The following CORO2A variants were observed in gnomAD, a reference collection of about 807,000 sequenced individuals.
CORO2A encodes coronin-2A.
In CORO2A, 47 loss-of-function variants were observed where a neutral mutation model predicts 62.4. That is an observed-to-expected ratio of 0.75 (90% CI 0.60 to 0.96). CORO2A has a LOEUF of 0.96. CORO2A is among the 40% of genes least tolerant of loss of function. The pLI is 0.00. For missense variants in CORO2A, 610 were observed against 684.1 expected (o/e 0.89, Z 1.21); for synonymous variants, 273 against 268.9 (o/e 1.02, Z -0.15).
chr9:98,155,083 A>C (rs986117224), intron 2 of CORO2A, among the ~76,000 whole-genome samples: 5 of 152,262 alleles, frequency 3.3e-5, no homozygotes, highest in East Asian at 3.9e-4. Context: ...GCTGTCATTT[A>C]CTAGTGTTAG....
intron 1 of CORO2A, among the ~76,000 whole-genome samples, 176 bp downstream of exon 1, chr9:98,192,383 G>A (rs902821931): frequency 6.6e-6 from 1 of 152,240 alleles, no homozygotes; most frequent in African/African-American, 2.4e-5. Context: ...ACTGAGGCCT[G>A]GAGAGGAGCA....
At chr9:98,163,160 T>A (rs79490560) in intron 1 of CORO2A, among the ~76,000 whole-genome samples, 1 of 152,230 alleles carries the variant, frequency 6.6e-6, no homozygotes, top group Non-Finnish European at 1.5e-5. Context: ...GATGTAGTCA[T>A]CTCTGGGTTT....
chr9:98,171,400 CCAA>C (rs752180652), intron 1 of CORO2A, among the ~76,000 whole-genome samples: 1 of 152,270 alleles, frequency 6.6e-6, no homozygotes, highest in Non-Finnish European at 1.5e-5. Flanking sequence ...GTCAGTTCAG[CCAA>C]CATCATTGGT....
intron 1 of CORO2A, among the ~76,000 whole-genome samples, chr9:98,184,807 G>A (rs973284650): frequency 6.6e-6 from 1 of 152,140 alleles, no homozygotes; most frequent in Admixed American, 6.5e-5. Context: ...TTTGATTGTA[G>A]CCCTTTCAAA....
intron 2 of CORO2A, among the ~76,000 whole-genome samples, chr9:98,155,814 G>A (rs140409615): frequency 6.6e-6 from 1 of 151,996 alleles, no homozygotes; most frequent in Non-Finnish European, 1.5e-5. Context: ...GTTCTTATTA[G>A]ATTTCAAAGC....
chr9:98,192,047 C>A (rs1206923115), intron 1 of CORO2A, among the ~76,000 whole-genome samples: 1 of 152,230 alleles, frequency 6.6e-6, no homozygotes, highest in African/African-American at 2.4e-5. Context: ...CCCACATGCA[C>A]GCCCAGGCCG....
At chr9:98,134,760 T>C in intron 4 of CORO2A, 46 bp downstream of exon 4, 1 of 1,546,012 alleles carries the variant, frequency 6.5e-7, no homozygotes, top group East Asian at 2.3e-5. Context: ...TTCCAGTTTG[T>C]GGGAACTTGT....
At position 98,157,485 on chromosome 9, in the gene CORO2A, G is replaced by A; in HGVS notation, c.176C>T (p.Ala59Val). The stretch of plus-strand genomic sequence containing the variant: ...CTGGTGCAGGGGGATGACGAGGAAG[G>A]CCCCTCCACCAGCACACTCAGTCAC... ...AVVTECAGGG[A>V]FLVIPLHQTG... is the part of the protein sequence containing the mutation. Residue 59 changes from alanine to valine, a missense_variant, in exon 2 of 12, where the codon GCC becomes GTC. Coordinates refer to ENST00000375077, the MANE Select transcript of CORO2A (RefSeq NM_052820.4). 6.2e-7 allele frequency: 1 copy of A among 1,614,182 alleles called. No individual in the cohort carries two copies. The highest frequency in any genetic ancestry group is 8.5e-7 in the Non-Finnish European group (1 of 1,180,034).
intron 2 of CORO2A, among the ~76,000 whole-genome samples, chr9:98,141,749 C>T (rs1379230390): frequency 6.6e-6 from 1 of 152,172 alleles, no homozygotes; most frequent in East Asian, 1.9e-4. Context: ...TGCACCTGCT[C>T]ACATTTTGCA....
chr9:98,178,983 C>T (rs1253454808), intron 1 of CORO2A, among the ~76,000 whole-genome samples: 1 of 152,176 alleles, frequency 6.6e-6, no homozygotes, highest in Non-Finnish European at 1.5e-5. Flanking sequence ...AATCTCTAGG[C>T]CTTGATGCTA....
chr9:98,156,560 G>A (rs1441067698), intron 2 of CORO2A, among the ~76,000 whole-genome samples: 1 of 152,124 alleles, frequency 6.6e-6, no homozygotes, highest in African/African-American at 2.4e-5. Context: ...GTTTCCAAAT[G>A]AATGGGAATT....
intron 1 of CORO2A, among the ~76,000 whole-genome samples, 190 bp downstream of exon 1, chr9:98,192,369 G>C (rs1271998212): frequency 6.6e-6 from 1 of 152,228 alleles, no homozygotes; most frequent in East Asian, 1.9e-4. Flanking sequence ...ATCCTGACGG[G>C]GAAACTGAGG....
At chr9:98,168,802 T>C (rs551377196) in intron 1 of CORO2A, among the ~76,000 whole-genome samples, 1 of 152,350 alleles carries the variant, frequency 6.6e-6, no homozygotes, top group African/African-American at 2.4e-5. Context: ...TGAAGCAGCC[T>C]CCCAGGGGCC....
At chr9:98,140,506 T>C (rs1827551171) in intron 2 of CORO2A, among the ~76,000 whole-genome samples, 2 of 151,718 alleles carry the variant, frequency 1.3e-5, no homozygotes, top group African/African-American at 4.8e-5. Flanking sequence ...AGTGGTGCAA[T>C]CATGATTCAC....
intron 2 of CORO2A, among the ~76,000 whole-genome samples, chr9:98,139,911 G>A (rs551910704): frequency 6.6e-6 from 1 of 152,136 alleles, no homozygotes. Flanking sequence ...ATAGGTGCTG[G>A]GAGGGACATA....
At position 98,132,237 on chromosome 9, in the gene CORO2A, A is replaced by G; in HGVS notation, c.713T>C (p.Met238Thr). 2 of 1,614,180 alleles carry G rather than the reference A, an allele frequency of 1.2e-6. No individual in the cohort carries two copies. The highest frequency in any genetic ancestry group is 1.3e-5 in the African/African-American group (1 of 75,062). ...VLFLGNLKKLMSTGTSRWNNR... is the reference protein window; with the variant it reads ...VLFLGNLKKLTSTGTSRWNNR... ...GTTCCATCGGGATGTGCCTGTGGAC[A>G]TCAGCTTCTTCAGGTTCCCCAGAAA... Residue 238 changes from methionine to threonine, a missense_variant, in exon 6 of 12, where the codon ATG becomes ACG. Coordinates refer to ENST00000375077, the MANE Select transcript of CORO2A (RefSeq NM_052820.4).
chr9:98,153,377 A>G (rs1468579111), intron 2 of CORO2A, among the ~76,000 whole-genome samples: 1 of 145,348 alleles, frequency 6.9e-6, no homozygotes, highest in Non-Finnish European at 1.5e-5. Context: ...CTGGGATTAC[A>G]GGCGTAAGCC....
chr9:98,127,598 G>C (rs1204327387), intron 10 of CORO2A, among the ~76,000 whole-genome samples: 1 of 152,118 alleles, frequency 6.6e-6, no homozygotes, highest in African/African-American at 2.4e-5. Flanking sequence ...GATCACTTGA[G>C]GTCAAGAGTT....
At chr9:98,124,979 C>T (rs1478494671) in intron 11 of CORO2A, 74 bp from the exon 12 acceptor site, 2 of 1,516,216 alleles carry the variant, frequency 1.3e-6, no homozygotes, top group African/African-American at 2.8e-5. Context: ...CACTATCCCT[C>T]TTTGACTCAG....
Sources: allele counts gnomAD v4.1 joint callset (sites outside exome capture counted in the v4.1 genomes callset), GRCh38; gene constraint gnomAD v4.1.1; transcripts MANE v1.5; gene names NCBI Gene and HGNC (gene_info 2026-07-23, HGNC 2026-07-21).